Variants in TMTC2 observed in about 807,000 individuals in gnomAD.
TMTC2 encodes protein O-mannosyl-transferase TMTC2.
A neutral mutation model predicts 82.4 loss-of-function variants in TMTC2; 43 were observed. The observed-to-expected ratio is 0.52, with a 90% CI of 0.41 to 0.67. TMTC2 has a LOEUF of 0.67. Ranked by LOEUF, TMTC2 falls within the 30% of genes least tolerant of loss-of-function variation. The pLI, the probability that TMTC2 is intolerant of heterozygous loss-of-function variation, is 0.00. For missense variants in TMTC2, 919 were observed against 1,012.4 expected (o/e 0.91, Z 1.25); for synonymous variants, 408 against 381.9 (o/e 1.07, Z -0.80).
chr12:82,802,474 G>A (rs972487119), intron 1 of TMTC2, among the ~76,000 whole-genome samples: 6 of 152,314 alleles, frequency 3.9e-5, no homozygotes, highest in Non-Finnish European at 5.9e-5. Flanking sequence ...GAGAGTGAGC[G>A]AGGACTGGGA....
intron 3 of TMTC2, among the ~76,000 whole-genome samples, chr12:82,906,273 A>G (rs1429965847): frequency 6.6e-6 from 1 of 152,212 alleles, no homozygotes; most frequent in Admixed American, 6.5e-5. Flanking sequence ...ATGGTGTAAC[A>G]AATTCTATTA....
intron 1 of TMTC2, among the ~76,000 whole-genome samples, chr12:82,783,543 ATCTT>A: frequency 6.6e-6 from 1 of 152,104 alleles, no homozygotes; most frequent in Middle Eastern, 3.4e-3. Flanking sequence ...TAGGTTACTG[ATCTT>A]TCTTTATGCC....
Position 83,015,365 on chromosome 12 carries a change from G to A in TMTC2, c.2071-15433G>A, listed in dbSNP as rs141872111. Among the ~76,000 whole-genome samples, 1,101 of 152,254 alleles carry A rather than the reference G, an allele frequency of 7.2e-3. 9 individuals carry two copies. The highest frequency in any genetic ancestry group is 0.014 in the Middle Eastern group (4 of 294). On this transcript the variant is annotated intron_variant, in intron 8 of 11. Coordinates refer to ENST00000321196, the MANE Select transcript of TMTC2 (RefSeq NM_152588.3). Reference sequence around the variant, plus strand: ...TCCTATATACCTTTGAATTGCTTTGGTGAAAATTCTCTGATGATTGGGAGT... The same window carrying A: ...TCCTATATACCTTTGAATTGCTTTGATGAAAATTCTCTGATGATTGGGAGT...
chr12:82,776,605 T>C (rs1211429547), intron 1 of TMTC2, among the ~76,000 whole-genome samples: 1 of 144,168 alleles, frequency 6.9e-6, no homozygotes, highest in Non-Finnish European at 1.5e-5. Flanking sequence ...AGAAAGATGT[T>C]GTCTCTAATG....
rs1875833715 is a variant in TMTC2, at chr12:82,928,241, T to C, written c.1484-2190T>C. ...GGATTTCCTGGTGCTTAAATTAACA[T>C]TTGAATGCATTTCTCAGAGAGATTC... On this transcript the variant is annotated intron_variant, in intron 3 of 11. Transcript: ENST00000321196. Among the ~76,000 whole-genome samples the C allele has an allele frequency of 1.3e-5, 2 of 152,132 alleles. 1 individual carries two copies. Among genetic ancestry groups the C allele is most frequent in the South Asian group, 4.1e-4 (2 of 4,826 alleles).
chr12:83,016,680 T>G (rs868422307), intron 8 of TMTC2, among the ~76,000 whole-genome samples: 1 of 152,296 alleles, frequency 6.6e-6, no homozygotes, highest in African/African-American at 2.4e-5. Flanking sequence ...ATAAAGTTAG[T>G]TGTTAAATAA....
chr12:83,009,558 A>C (rs1880360350), intron 8 of TMTC2, among the ~76,000 whole-genome samples: 1 of 152,094 alleles, frequency 6.6e-6, no homozygotes, highest in African/African-American at 2.4e-5. Flanking sequence ...TCTCAGAAAA[A>C]TCATTGATTT....
chr12:82,695,334 A>G (rs969521412), intron 1 of TMTC2, among the ~76,000 whole-genome samples: 1 of 152,076 alleles, frequency 6.6e-6, no homozygotes, highest in Admixed American at 6.6e-5. Flanking sequence ...TTGGTTGCTT[A>G]TATGTATTCT....
intron 1 of TMTC2, chr12:82,760,792 G>A (rs377066764): frequency 1.4e-5 from 5 of 366,554 alleles, no homozygotes; most frequent in East Asian, 1.2e-4. Flanking sequence ...TGTGAACTGC[G>A]CATGTGAGGG....
At position 82,896,058 on chromosome 12, in the gene TMTC2, G is replaced by A; in HGVS notation, c.895G>A (p.Val299Met). 6.2e-7 allele frequency: 1 copy of A among 1,613,974 alleles called. No homozygotes were observed. The highest frequency in any genetic ancestry group is 8.5e-7 in the Non-Finnish European group (1 of 1,179,994). Reference protein sequence around the residue: ...TLSFDWSMDAVPLLKTVCDWR... With the variant: ...TLSFDWSMDAMPLLKTVCDWR... ...CAGTTTTGATTGGTCAATGGATGCTGTGCCTCTGCTCAAAACAGTTTGTGA... is the reference window on the plus strand; with the variant it reads ...CAGTTTTGATTGGTCAATGGATGCTATGCCTCTGCTCAAAACAGTTTGTGA... Residue 299 changes from valine to methionine, a missense_variant, in exon 3 of 12, where the codon GTG becomes ATG. Val to Met is a conservative substitution (Grantham distance 21, BLOSUM62 1). Transcript: ENST00000321196.
intron 11 of TMTC2, among the ~76,000 whole-genome samples, chr12:83,080,231 T>A (rs926593153): frequency 7.9e-5 from 12 of 152,210 alleles, no homozygotes; most frequent in African/African-American, 2.9e-4. Context: ...GTATAAACTG[T>A]ATCTCCATGT....
At position 82,857,256 on chromosome 12, in the gene TMTC2, T is replaced by G; in HGVS notation, c.330T>G (p.Leu110=). ...TCACAAGCTTCTCCAAGATCCTCCT[T>G]GGTGATGGATACTGGACATTCATGG... The part of the protein sequence containing the change: ...GLFTSFSKIL[L]GDGYWTFMAG... The change falls in exon 2 of 12, where the codon CTT becomes CTG. Residue 110 remains leucine (L), a synonymous_variant. Coordinates refer to ENST00000321196, the MANE Select transcript of TMTC2 (RefSeq NM_152588.3). The G allele has an allele frequency of 6.2e-7, 1 of 1,614,178 alleles. No individual in the cohort carries two copies. Among genetic ancestry groups the G allele is most frequent in the Non-Finnish European group, 8.5e-7 (1 of 1,180,038 alleles).
chr12:83,047,696 A>G (rs1388500112), intron 9 of TMTC2, among the ~76,000 whole-genome samples: 1 of 152,146 alleles, frequency 6.6e-6, no homozygotes, highest in South Asian at 2.1e-4. Flanking sequence ...TCATATCGGA[A>G]TTTTTTTCTG....
rs1191360176 is a variant in TMTC2, at chr12:82,820,620, C to T, written c.84-36390C>T. 2.0e-5 allele frequency among the ~76,000 whole-genome samples: 3 copies of T among 152,192 alleles called. No homozygotes were observed. The East Asian group carries it at 5.8e-4, about 30-fold the overall frequency. ...GAACTCCTGACCTCAGGTGATCTGC[C>T]TGCCTCAGCCTCCCAAAGTGCTGGG... On this transcript the variant is annotated intron_variant, in intron 1 of 11. Coordinates refer to ENST00000321196, the MANE Select transcript of TMTC2 (RefSeq NM_152588.3).
intron 8 of TMTC2, among the ~76,000 whole-genome samples, chr12:83,005,184 A>G (rs1487121004): frequency 1.5e-5 from 2 of 136,326 alleles, no homozygotes; most frequent in African/African-American, 5.7e-5. Flanking sequence ...GGCCTGGGCG[A>G]TAGAGCTAGA....
chr12:83,125,964 C>T (rs1225001385), intron 11 of TMTC2, among the ~76,000 whole-genome samples: 1 of 152,100 alleles, frequency 6.6e-6, no homozygotes, highest in African/African-American at 2.4e-5. Flanking sequence ...GAAACTCTTC[C>T]CTAAGTATAT....
chr12:83,127,030 A>G (rs1885118674), intron 11 of TMTC2, among the ~76,000 whole-genome samples: 2 of 152,162 alleles, frequency 1.3e-5, no homozygotes, highest in South Asian at 2.1e-4. Context: ...AACTGAATAC[A>G]GTTGAATGCC....
intron 3 of TMTC2, among the ~76,000 whole-genome samples, chr12:82,898,039 C>A (rs1873771880): frequency 6.6e-6 from 1 of 152,054 alleles, no homozygotes. Flanking sequence ...CAAATTAAGT[C>A]AAGAATTCAG....
chr12:82,754,896 G>T (rs1184089305), intron 1 of TMTC2, among the ~76,000 whole-genome samples: 1 of 152,174 alleles, frequency 6.6e-6, no homozygotes, highest in Non-Finnish European at 1.5e-5. Flanking sequence ...TCATCTCCTT[G>T]TGAACAGAAA....
Sources: allele counts gnomAD v4.1 joint callset (sites outside exome capture counted in the v4.1 genomes callset), GRCh38; gene constraint gnomAD v4.1.1; transcripts MANE v1.5; gene names NCBI Gene and HGNC (gene_info 2026-07-23, HGNC 2026-07-21).